The following OSBP variants were observed in gnomAD, a reference collection of about 807,000 sequenced individuals.
OSBP encodes oxysterol-binding protein 1.
In OSBP, 32 loss-of-function variants were observed where a neutral mutation model predicts 96.6. That is an observed-to-expected ratio of 0.33 (90% CI 0.25 to 0.45). The LOEUF (loss-of-function observed/expected upper bound fraction) is 0.45. Among genes scored for constraint, OSBP ranks in the 20% least tolerant of loss-of-function variants. The pLI is 1.00. For synonymous variants in OSBP, 369 were observed against 389.6 expected (o/e 0.95, Z 0.62); for missense variants, 653 against 1,029.7 (o/e 0.63, Z 5.01).
At chr11:59,578,056 T>C in intron 12 of OSBP, 93 bp downstream of exon 12, 1 of 1,167,030 alleles carries the variant, frequency 8.6e-7, no homozygotes, top group Non-Finnish European at 1.3e-6. Flanking sequence ...ATTCCCCACA[T>C]AATTAAGTGA....
intron 9 of OSBP, among the ~76,000 whole-genome samples, chr11:59,583,092 C>T (rs1458008193): frequency 3.9e-5 from 6 of 152,194 alleles, no homozygotes; most frequent in Non-Finnish European, 8.8e-5. Context: ...AGGCAGATCA[C>T]TTGAGGTCAG....
At chr11:59,606,070 G>A (rs1343628878) in intron 3 of OSBP, among the ~76,000 whole-genome samples, 1 of 152,122 alleles carries the variant, frequency 6.6e-6, no homozygotes, top group Non-Finnish European at 1.5e-5. Context: ...TACTTCCAAA[G>A]TGCTATACCA....
chr11:59,581,608 A>G, intron 9 of OSBP, 54 bp from the exon 10 acceptor site: 1 of 915,046 alleles, frequency 1.1e-6, no homozygotes, highest in Non-Finnish European at 1.8e-6. Flanking sequence ...AAATAGCACC[A>G]TGCAGCCTCA....
intron 3 of OSBP, among the ~76,000 whole-genome samples, chr11:59,603,529 GTTTTTTTTTTTT>G (rs370609645): frequency 2.3e-5 from 2 of 86,764 alleles, no homozygotes; most frequent in South Asian, 4.6e-4. Context: ...ATCACCTTCA[GTTTTTTTTTTTT>G]TTTTTTTTTT....
At chr11:59,583,480 G>T (rs117201161) in intron 9 of OSBP, among the ~76,000 whole-genome samples, 5,694 of 152,100 alleles carry the variant, frequency 0.037, 146 homozygotes, top group Non-Finnish European at 0.043. Flanking sequence ...TCACAACAAT[G>T]AAGGCTATGA....
chr11:59,601,565 T>G (rs1860724827), intron 4 of OSBP, 75 bp downstream of exon 4: 2 of 1,367,914 alleles, frequency 1.5e-6, no homozygotes, highest in South Asian at 1.2e-5. Flanking sequence ...GTGAAGAGTT[T>G]GGAGTTCTCC....
intron 9 of OSBP, among the ~76,000 whole-genome samples, chr11:59,590,102 C>T (rs1273706239): frequency 6.6e-6 from 1 of 152,136 alleles, no homozygotes; most frequent in East Asian, 1.9e-4. Context: ...TCTTTTTAGC[C>T]TATTTTATAG....
rs1238764417 is a variant in OSBP, at chr11:59,608,695, T to C, written c.611A>G (p.Lys204Arg). Residue 204 changes from lysine (K) to arginine (R), a missense_variant, in exon 3 of 14, where the codon AAG becomes AGG. By Grantham distance (26) the Lys-to-Arg change is conservative. This residue lies in a region of OSBP where 308 missense variants were observed against 573.1 expected (regional missense o/e 0.54). Coordinates refer to ENST00000263847, the MANE Select transcript of OSBP (RefSeq NM_002556.3). ...GDEESVSQTD[K>R]TELQNTLRTL... ...CCGAAGGGTATTCTGCAGCTCAGTC[T>C]TGTCAGTTTGTGAGACAGACTCTTC... 1 of 1,614,072 alleles carries C rather than the reference T, an allele frequency of 6.2e-7. No homozygotes were observed.
intron 3 of OSBP, 26 bp downstream of exon 3, chr11:59,608,458 G>T: frequency 6.2e-7 from 1 of 1,613,640 alleles, no homozygotes; most frequent in Non-Finnish European, 8.5e-7. Context: ...GAATCAAAAA[G>T]CAACACAGAC....
At chr11:59,579,750 C>T (rs1327914202) in intron 11 of OSBP, among the ~76,000 whole-genome samples, 6 of 149,436 alleles carry the variant, frequency 4.0e-5, no homozygotes, top group African/African-American at 1.2e-4. Context: ...GACGGAGTCT[C>T]GCTCTGTTGC....
Position 59,610,602 on chromosome 11 carries a change from G to C in OSBP, c.363-13C>G. ...TTCTGCCTTTGATCTGTAATAACAAGACAAAGACAATTTAAACAGAAAGTT... is the reference window on the plus strand; with the variant it reads ...TTCTGCCTTTGATCTGTAATAACAACACAAAGACAATTTAAACAGAAAGTT... On this transcript the variant is annotated splice_polypyrimidine_tract_variant and intron_variant, in intron 1 of 13. Transcript: ENST00000263847. 1 of 1,597,982 alleles carries C rather than the reference G, an allele frequency of 6.3e-7. No homozygotes were observed. The highest frequency in any genetic ancestry group is 8.6e-7 in the Non-Finnish European group (1 of 1,165,252).
At chr11:59,585,739 G>C (rs1407713052) in intron 9 of OSBP, among the ~76,000 whole-genome samples, 1 of 152,238 alleles carries the variant, frequency 6.6e-6, no homozygotes, top group Non-Finnish European at 1.5e-5. Flanking sequence ...GGGAAAGGTG[G>C]GGAAAAGACT....
intron 5 of OSBP, 152 bp from the exon 6 acceptor site, chr11:59,601,025 A>G: frequency 1.4e-6 from 1 of 690,432 alleles, no homozygotes; most frequent in South Asian, 1.9e-5. Flanking sequence ...AATGAATTTA[A>G]GTATCTCTGG....
At chr11:59,587,824 T>C (rs1433597565) in intron 9 of OSBP, among the ~76,000 whole-genome samples, 1 of 152,236 alleles carries the variant, frequency 6.6e-6, no homozygotes, top group Non-Finnish European at 1.5e-5. Context: ...TTCTGGTATA[T>C]ACTGCAAAGA....
intron 9 of OSBP, among the ~76,000 whole-genome samples, chr11:59,592,280 A>C (rs1175738248): frequency 3.3e-5 from 5 of 152,180 alleles, no homozygotes; most frequent in African/African-American, 1.2e-4. Flanking sequence ...CTGCATATTA[A>C]CCATGAAATT....
In OSBP at chr11:59,615,196, C is replaced by T; in HGVS notation, c.362+107G>A. 8 of 916,278 alleles carry T rather than the reference C, an allele frequency of 8.7e-6. No homozygotes were observed. In the South Asian group the frequency reaches 9.9e-5, roughly 11 times the overall value. 56.8% of individuals were successfully genotyped at this position (916,278 alleles called of 1,614,324 possible). A position where few individuals can be genotyped will look rare whatever the true frequency, so the allele number is the denominator to read the frequency against. On this transcript the variant is annotated intron_variant, in intron 1 of 13. Coordinates refer to ENST00000263847, the MANE Select transcript of OSBP (RefSeq NM_002556.3). Reference sequence around the variant, plus strand: ...AATCCGCACAGATGACGAAAAGGGGCCTGGGGCAACCCTGGCTGCGGTGCC... The same window carrying T: ...AATCCGCACAGATGACGAAAAGGGGTCTGGGGCAACCCTGGCTGCGGTGCC...
At chr11:59,579,783 G>A (rs1305547092) in intron 11 of OSBP, among the ~76,000 whole-genome samples, 2 of 150,546 alleles carry the variant, frequency 1.3e-5, no homozygotes, top group East Asian at 2.0e-4. Flanking sequence ...GCAATGGTGC[G>A]AGACTCACTG....
intron 9 of OSBP, among the ~76,000 whole-genome samples, chr11:59,582,316 C>T (rs948899919): frequency 1.3e-5 from 2 of 152,146 alleles, no homozygotes; most frequent in Admixed American, 6.5e-5. Flanking sequence ...GAAAGAGGAT[C>T]TGGATATTGA....
intron 9 of OSBP, among the ~76,000 whole-genome samples, chr11:59,583,239 G>A (rs954707193): frequency 3.3e-5 from 5 of 152,126 alleles, no homozygotes; most frequent in Non-Finnish European, 7.3e-5. Flanking sequence ...TTGAACCCAG[G>A]AGGCGGAGGT....
Sources: gnomAD v4.1 joint callset for allele counts (sites outside exome capture counted in the v4.1 genomes callset) on GRCh38, gnomAD v4.1.1 for gene constraint, gnomAD v4.1.1 regional missense constraint, MANE v1.5 for transcripts, NCBI Gene and HGNC (gene_info 2026-07-23, HGNC 2026-07-21) for gene names.